The following ATP6V0A4 variants were observed in gnomAD, a reference collection of about 807,000 sequenced individuals.
The protein encoded by ATP6V0A4 is ATPase H+ transporting V0 subunit a4, also known as V-type proton ATPase 116 kDa subunit a 4.
In ATP6V0A4, 86 loss-of-function variants were observed where a neutral mutation model predicts 107.3. That is an observed-to-expected ratio of 0.80 (90% confidence interval 0.67 to 0.96). The LOEUF is 0.96. ATP6V0A4 is among the 40% of genes least tolerant of loss of function. The pLI is 0.00. For missense variants in ATP6V0A4, 908 were observed against 1,045.6 expected (o/e 0.87, Z 1.81); for synonymous variants, 353 against 381.4 (o/e 0.93, Z 0.87).
At chr7:138,765,182 T>C (rs1224013985) in intron 5 of ATP6V0A4, among the ~76,000 whole-genome samples, 1 of 152,080 alleles carries the variant, frequency 6.6e-6, no homozygotes, top group African/African-American at 2.4e-5. Flanking sequence ...AAAATTGAAT[T>C]ACTATGGAAA....
intron 2 of ATP6V0A4, among the ~76,000 whole-genome samples, chr7:138,778,786 C>A (rs1433728841): frequency 6.6e-6 from 1 of 152,106 alleles, no homozygotes; most frequent in Non-Finnish European, 1.5e-5. Flanking sequence ...AATTCAGCCC[C>A]ACTCTGTGGT....
intron 1 of ATP6V0A4, among the ~76,000 whole-genome samples, chr7:138,796,048 T>C (rs1563027094): frequency 1.3e-5 from 2 of 152,166 alleles, no homozygotes; most frequent in Admixed American, 6.5e-5. Context: ...ACCGCTGTTA[T>C]CCCTAGTACC....
intron 10 of ATP6V0A4, 155 bp from the exon 11 acceptor site, chr7:138,752,992 A>G: frequency 1.2e-6 from 1 of 859,748 alleles, no homozygotes; most frequent in Non-Finnish European, 1.4e-6. Flanking sequence ...TCTCCTGAGC[A>G]GTTTATCTCC....
chr7:138,748,253 C>T (rs76829911), intron 12 of ATP6V0A4, among the ~76,000 whole-genome samples: 8 of 152,162 alleles, frequency 5.3e-5, no homozygotes, highest in African/African-American at 1.9e-4. Flanking sequence ...CATTCACATG[C>T]ACCACACACC....
At chr7:138,742,179 C>G (rs1805665721) in intron 14 of ATP6V0A4, among the ~76,000 whole-genome samples, 1 of 152,146 alleles carries the variant, frequency 6.6e-6, no homozygotes, top group Admixed American at 6.5e-5. Context: ...GTAATCCCAT[C>G]ACTTTGGGAG....
chr7:138,717,459 C>A (rs968906064), intron 19 of ATP6V0A4, among the ~76,000 whole-genome samples: 1 of 152,038 alleles, frequency 6.6e-6, no homozygotes, highest in African/African-American at 2.4e-5. Context: ...GCAGGAGAAT[C>A]GCTTGAACCT....
chr7:138,745,895 G>C (rs1383733731), intron 13 of ATP6V0A4, among the ~76,000 whole-genome samples: 1 of 105,708 alleles, frequency 9.5e-6, no homozygotes, highest in Non-Finnish European at 2.0e-5. Flanking sequence ...AGTGAGCTGA[G>C]ATTGCCCCAC....
At chr7:138,715,674 G>A in intron 20 of ATP6V0A4, 90 bp downstream of exon 20, 4 of 1,515,022 alleles carry the variant, frequency 2.6e-6, no homozygotes, top group Non-Finnish European at 3.7e-6. Context: ...AAATAGCTCG[G>A]AGAAGTCACC....
At chr7:138,741,559 T>C (rs914477434) in intron 14 of ATP6V0A4, among the ~76,000 whole-genome samples, 3 of 152,068 alleles carry the variant, frequency 2.0e-5, no homozygotes, top group African/African-American at 4.8e-5. Flanking sequence ...GCGACTATGA[T>C]AGAGTGAGAA....
intron 2 of ATP6V0A4, among the ~76,000 whole-genome samples, chr7:138,781,340 CT>C (rs1807911051): frequency 6.9e-6 from 1 of 145,332 alleles, no homozygotes; most frequent in Non-Finnish European, 1.5e-5. Context: ...TTTTCTTTTT[CT>C]TTTTTTGTAG....
intron 5 of ATP6V0A4, among the ~76,000 whole-genome samples, chr7:138,763,976 ATATAT>A (rs1563009222): frequency 9.1e-6 from 1 of 110,390 alleles, no homozygotes; most frequent in African/African-American, 3.1e-5. Flanking sequence ...CAAAAAAAAA[ATATAT>A]ATATATATAT....
In ATP6V0A4 at chr7:138,721,923, C is replaced by G. The variant is rs376273720; in HGVS notation, c.2113G>C (p.Gly705Arg). The change falls in exon 19 of 22, where the codon GGG becomes CGG. Residue 705 changes from glycine (G) to arginine (R), a missense_variant. Coordinates refer to ENST00000310018, the MANE Select transcript of ATP6V0A4 (RefSeq NM_020632.3). The stretch of plus-strand genomic sequence containing the variant: ...TCTTCTCCATGGTCGTCCAGAGCCC[C>G]GTGGGTATCTGCAGAAGTCCTCTGG... Reference protein sequence around the residue: ...SGQRTSADTHGALDDHGEEFN... With the variant: ...SGQRTSADTHRALDDHGEEFN... 1.9e-6 allele frequency: 3 copies of G among 1,614,132 alleles called. No homozygotes were observed. Among genetic ancestry groups the G allele is most frequent in the Non-Finnish European group, 2.5e-6 (3 of 1,180,030 alleles).
rs147806623 is a variant in ATP6V0A4 at position 138,765,227 on chromosome 7, C to T, written c.292-2202G>A. ...ACACACAAGCAGCGTGAATCCTATCCGCCCATCATCCAGCTTCAGTTCCAC... is the reference window on the plus strand; with the variant it reads ...ACACACAAGCAGCGTGAATCCTATCTGCCCATCATCCAGCTTCAGTTCCAC... On this transcript the variant is annotated intron_variant, in intron 5 of 21. Transcript: ENST00000310018. Among the ~76,000 whole-genome samples the T allele has an allele frequency of 2.0e-4, 31 of 152,212 alleles. No individual in the cohort carries two copies. The East Asian group carries it at 4.4e-3, about 22-fold the overall frequency.
chr7:138,727,515 G>T lies in ATP6V0A4; in HGVS notation c.2010+1246C>A, dbSNP rs1279102793. Among the ~76,000 whole-genome samples the T allele has an allele frequency of 2.0e-5, 3 of 152,088 alleles. No individual in the cohort carries two copies. The East Asian group carries it at 5.8e-4, about 29-fold the overall frequency. On this transcript the variant is annotated intron_variant, in intron 18 of 21. Transcript: ENST00000310018. The stretch of plus-strand genomic sequence containing the variant: ...TTACGTTTCAGCTAAGCTTTGGAAC[G>T]AGTTCGGACTGGCATAAGGAGACAG...
At chr7:138,768,223 C>T (rs1183361938) in intron 5 of ATP6V0A4, among the ~76,000 whole-genome samples, 5 of 152,090 alleles carry the variant, frequency 3.3e-5, no homozygotes, top group African/African-American at 4.8e-5. Flanking sequence ...TGAGCCACTG[C>T]GCCCAGCTGG....
At chr7:138,754,137 G>T (rs1010871325) in intron 10 of ATP6V0A4, among the ~76,000 whole-genome samples, 1 of 152,156 alleles carries the variant, frequency 6.6e-6, no homozygotes, top group Non-Finnish European at 1.5e-5. Context: ...TGACAAAGAA[G>T]TAATGGAGAG....
Position 138,771,194 on chromosome 7 carries a change from C to T in ATP6V0A4, c.54G>A (p.Gln18=). 1 of 1,614,188 alleles carries T rather than the reference C, an allele frequency of 6.2e-7. No homozygotes were observed. The highest frequency in any genetic ancestry group is 8.5e-7 in the Non-Finnish European group (1 of 1,180,026). Residue 18 remains glutamine, a synonymous_variant, in exon 3 of 22, where the codon CAG becomes CAA. Transcript: ENST00000310018. Reference sequence around the variant, plus strand: ...CCACACAGCAATATGCAGCTTCCACCTGGAGAAACAGTTGTGACAAACACA... The same window carrying T: ...CCACACAGCAATATGCAGCTTCCACTTGGAGAAACAGTTGTGACAAACACA... The part of the protein sequence containing the change: ...EEMCLSQLFL[Q]VEAAYCCVAE...
chr7:138,722,483 G>A (rs1804471228), intron 18 of ATP6V0A4, among the ~76,000 whole-genome samples: 2 of 151,774 alleles, frequency 1.3e-5, no homozygotes, highest in Non-Finnish European at 2.9e-5. Context: ...TGGCCAACAT[G>A]GTGAAAACCC....
chr7:138,747,197 C>T (rs956907480), intron 13 of ATP6V0A4, among the ~76,000 whole-genome samples: 7 of 152,040 alleles, frequency 4.6e-5, no homozygotes, highest in Middle Eastern at 3.4e-3. Flanking sequence ...AAAGAAAAAT[C>T]GATGCCTTAT....
Sources: allele counts gnomAD v4.1 joint callset (sites outside exome capture counted in the v4.1 genomes callset), GRCh38; gene constraint gnomAD v4.1.1; transcripts MANE v1.5; gene names NCBI Gene and HGNC (gene_info 2026-07-23, HGNC 2026-07-21).